The following PRSS12 variants were observed in gnomAD, a reference collection of about 807,000 sequenced individuals.
PRSS12 encodes serine protease 12.
PRSS12 carries 85 observed loss-of-function variants against 104.4 expected under a neutral mutation model. That is an observed-to-expected ratio of 0.81 (90% CI 0.68 to 0.98). The LOEUF (loss-of-function observed/expected upper bound fraction) is 0.98. PRSS12 is among the 50% of genes least tolerant of loss of function. The pLI is 0.00. For missense variants in PRSS12, 1,141 were observed against 1,139.2 expected, an observed-to-expected ratio of 1.00 and a Z score of -0.02; for synonymous variants, 454 against 425.2, an observed-to-expected ratio of 1.07 and a Z score of -0.83.
intron 6 of PRSS12, 36 bp from the exon 7 acceptor site, chr4:118,313,433 C>G (rs1743813009): frequency 6.2e-7 from 1 of 1,606,198 alleles, no homozygotes; most frequent in South Asian, 1.1e-5. Flanking sequence ...TATAGAACTT[C>G]TGTCTCTTGG....
chr4:118,310,030 T>C (rs973620476), intron 7 of PRSS12, among the ~76,000 whole-genome samples: 6 of 152,202 alleles, frequency 3.9e-5, no homozygotes, highest in Non-Finnish European at 8.8e-5. Context: ...CAAATGTTTA[T>C]GGCGTGCCAA....
chr4:118,327,896 A>T (rs1723817580), intron 4 of PRSS12, among the ~76,000 whole-genome samples: 1 of 152,216 alleles, frequency 6.6e-6, no homozygotes, highest in Admixed American at 6.5e-5. Context: ...CCAGCTACCA[A>T]AATATACAGA....
At position 118,311,282 on chromosome 4, in the gene PRSS12, T is replaced by C. The variant is rs78342017; in HGVS notation, c.1489+1919A>G. The stretch of plus-strand genomic sequence containing the variant: ...TACTTTTACTAATCTAGAATACTGC[T>C]TTTGAGCATTTCACCTACCACAGAC... On this transcript the variant is annotated intron_variant, in intron 7 of 12. Coordinates refer to ENST00000296498, the MANE Select transcript of PRSS12 (RefSeq NM_003619.4). 3.3e-4 allele frequency among the ~76,000 whole-genome samples: 51 copies of C among 152,282 alleles called. No homozygotes were observed. In the East Asian group the frequency reaches 8.9e-3, roughly 26 times the overall value.
In PRSS12 at chr4:118,338,288, T is replaced by A; in HGVS notation, c.529A>T (p.Asn177Tyr). Residue 177 changes from asparagine to tyrosine, a missense_variant, in exon 2 of 13, where the codon AAT becomes TAT. By Grantham distance (143) the Asn-to-Tyr change is moderately radical (BLOSUM62 -2). Transcript: ENST00000296498. ...HGSVRLRGGK[N>Y]EFEGTVEVYA... ...ACTTCCACTGTGCCTTCAAACTCAT[T>A]TTTGCCGCCACGAAGTCGTACTGAT... 2 of 1,614,004 alleles carry A rather than the reference T, an allele frequency of 1.2e-6. No homozygotes were observed. The highest frequency in any genetic ancestry group is 1.7e-6 in the Non-Finnish European group (2 of 1,179,942).
chr4:118,334,781 C>T (rs893439639), intron 3 of PRSS12, among the ~76,000 whole-genome samples: 1 of 152,094 alleles, frequency 6.6e-6, no homozygotes, highest in Admixed American at 6.6e-5. Flanking sequence ...CTGCTATCAC[C>T]AAGGAAAATG....
intron 11 of PRSS12, among the ~76,000 whole-genome samples, chr4:118,285,949 C>T (rs1423466724): frequency 2.0e-5 from 3 of 152,040 alleles, no homozygotes; most frequent in Non-Finnish European, 2.9e-5. Context: ...AAATCTATTC[C>T]GCATTATCTA....
intron 11 of PRSS12, among the ~76,000 whole-genome samples, chr4:118,287,076 G>A (rs538422586): frequency 6.6e-6 from 1 of 152,250 alleles, no homozygotes; most frequent in South Asian, 2.1e-4. Flanking sequence ...ACAAAAAGGC[G>A]AACAGTACCA....
intron 11 of PRSS12, among the ~76,000 whole-genome samples, chr4:118,286,796 A>C (rs550412346): frequency 6.6e-5 from 10 of 152,160 alleles, no homozygotes; most frequent in Non-Finnish European, 1.5e-4. Flanking sequence ...ATGAAAATCC[A>C]TGGGGTTCAG....
At chr4:118,324,662 C>G (rs1723719191) in intron 4 of PRSS12, among the ~76,000 whole-genome samples, 1 of 151,992 alleles carries the variant, frequency 6.6e-6, no homozygotes, top group African/African-American at 2.4e-5. Flanking sequence ...ATTTTTAAAT[C>G]CTCTCTGAAA....
In PRSS12 at chr4:118,352,238, G is replaced by T. The variant is rs529173422; in HGVS notation, c.483C>A (p.Gly161=). Residue 161 remains glycine (G), a synonymous_variant, in exon 1 of 13, where the codon GGC becomes GGA. Coordinates refer to ENST00000296498, the MANE Select transcript of PRSS12 (RefSeq NM_003619.4). ...ACTAACCGTGTCTGCAGTCGCAGTA[G>T]CCCCAGTCCACCTTGCCACGGGCGT... The part of the protein sequence containing the change: ...YGDARGKVDW[G]YCDCRHGSVR... The T allele has an allele frequency of 6.2e-7, 1 of 1,612,000 alleles. No individual in the cohort carries two copies. Among genetic ancestry groups the T allele is most frequent in the Non-Finnish European group, 8.5e-7 (1 of 1,179,738 alleles).
chr4:118,285,199 A>G (rs1354024562), intron 11 of PRSS12, among the ~76,000 whole-genome samples: 4 of 152,350 alleles, frequency 2.6e-5, no homozygotes, highest in Non-Finnish European at 5.9e-5. Context: ...AAATCATCAC[A>G]TATCTTTAAA....
chr4:118,286,094 C>T (rs1743010949), intron 11 of PRSS12, among the ~76,000 whole-genome samples: 1 of 152,142 alleles, frequency 6.6e-6, no homozygotes, highest in South Asian at 2.1e-4. Flanking sequence ...AAGACTATTG[C>T]AGTAGTCGCC....
At chr4:118,314,403 T>C (rs759596211) in intron 6 of PRSS12, among the ~76,000 whole-genome samples, 6 of 152,138 alleles carry the variant, frequency 3.9e-5, no homozygotes, top group Non-Finnish European at 8.8e-5. Flanking sequence ...ATGGCTTCTC[T>C]TCCTTCTATT....
intron 1 of PRSS12, among the ~76,000 whole-genome samples, chr4:118,347,287 T>G (rs1724380711): frequency 6.6e-6 from 1 of 152,164 alleles, no homozygotes; most frequent in Non-Finnish European, 1.5e-5. Flanking sequence ...GGGGACAGCT[T>G]TCAGCTAACT....
chr4:118,308,761 C>T (rs1407365315), intron 7 of PRSS12, among the ~76,000 whole-genome samples, 184 bp from the exon 8 acceptor site: 1 of 152,154 alleles, frequency 6.6e-6, no homozygotes, highest in Admixed American at 6.5e-5. Flanking sequence ...CTCTTGCAGC[C>T]TTGAATTCAA....
intron 11 of PRSS12, 52 bp downstream of exon 11, chr4:118,294,887 A>C (rs1289945198): frequency 3.1e-6 from 5 of 1,610,460 alleles, no homozygotes; most frequent in African/African-American, 2.7e-5. Flanking sequence ...GGGGATTGGA[A>C]GAACTGATGA....
chr4:118,312,327 C>A (rs1246439528), intron 7 of PRSS12, among the ~76,000 whole-genome samples: 1 of 151,962 alleles, frequency 6.6e-6, no homozygotes, highest in Non-Finnish European at 1.5e-5. Flanking sequence ...GTAAAGACCA[C>A]CTAAGGCTAT....
chr4:118,350,754 G>C (rs529973038), intron 1 of PRSS12, among the ~76,000 whole-genome samples: 1 of 152,160 alleles, frequency 6.6e-6, no homozygotes, highest in South Asian at 2.1e-4. Context: ...GTCAGAAAGA[G>C]AGCAACAGAT....
At chr4:118,295,082 A>G (rs746711778) in intron 10 of PRSS12, 21 bp from the exon 11 acceptor site, 2 of 1,613,292 alleles carry the variant, frequency 1.2e-6, no homozygotes, top group South Asian at 1.1e-5. Flanking sequence ...AATGAGCTAC[A>G]CATCAACGTC....
Sources: allele counts gnomAD v4.1 joint callset (sites outside exome capture counted in the v4.1 genomes callset), GRCh38; gene constraint gnomAD v4.1.1; transcripts MANE v1.5; gene names NCBI Gene and HGNC (gene_info 2026-07-23, HGNC 2026-07-21).